The following HDAC9 variants were observed in gnomAD, a reference collection of about 807,000 sequenced individuals.
HDAC9 encodes the protein histone deacetylase 9, also known as MEF-2 interacting transcription repressor (MITR) protein.
In HDAC9, 41 loss-of-function variants were observed where a neutral mutation model predicts 139.4. The observed-to-expected ratio is 0.29, with a 90% CI of 0.23 to 0.38. The LOEUF is 0.38. Among genes scored for constraint, HDAC9 ranks in the 10% least tolerant of loss-of-function variants. The pLI is 1.00. For synonymous variants in HDAC9, 517 were observed against 476.2 expected, an observed-to-expected ratio of 1.09 and a Z score of -1.12; for missense variants, 1,147 against 1,297.0, an observed-to-expected ratio of 0.88 and a Z score of 1.78.
At chr7:18,896,540 T>A (rs1208745922) in intron 22 of HDAC9, among the ~76,000 whole-genome samples, 2 of 152,020 alleles carry the variant, frequency 1.3e-5, no homozygotes, top group Non-Finnish European at 2.9e-5. Flanking sequence ...TCCTGTTTGG[T>A]GTTGTATTTC....
chr7:18,125,473 A>G (rs1326772437), intron 1 of HDAC9, among the ~76,000 whole-genome samples: 1 of 152,010 alleles, frequency 6.6e-6, no homozygotes, highest in African/African-American at 2.4e-5. Context: ...GAGCAACAAG[A>G]TGAGGACTGG....
At chr7:18,743,238 C>G (rs1289360507) in intron 13 of HDAC9, among the ~76,000 whole-genome samples, 1 of 152,084 alleles carries the variant, frequency 6.6e-6, no homozygotes, top group African/African-American at 2.4e-5. Flanking sequence ...AATCTAATTC[C>G]TAGGCCTTAA....
chr7:18,851,461 C>G (rs551038724), intron 21 of HDAC9: 1 of 152,552 alleles, frequency 6.6e-6, no homozygotes, highest in East Asian at 1.9e-4. Flanking sequence ...TTGTAAGTTT[C>G]CTGAGGCCTC....
At chr7:18,088,787 A>T (rs1223330878) in intron 1 of HDAC9, among the ~76,000 whole-genome samples, 4 of 152,236 alleles carry the variant, frequency 2.6e-5, no homozygotes, top group Admixed American at 6.5e-5. Context: ...TTCCCCAAAC[A>T]TCAAATTACT....
At chr7:18,183,935 A>C (rs1436791167) in intron 2 of HDAC9, among the ~76,000 whole-genome samples, 1 of 152,260 alleles carries the variant, frequency 6.6e-6, no homozygotes, top group Non-Finnish European at 1.5e-5. Context: ...ATGCATAAAA[A>C]GTCACTATTA....
intron 6 of HDAC9, among the ~76,000 whole-genome samples, chr7:18,601,848 C>T (rs572712412): frequency 1.9e-4 from 29 of 152,150 alleles, no homozygotes; most frequent in Non-Finnish European, 3.5e-4. Context: ...ACTTTTTGTA[C>T]ATCATTGGAT....
At chr7:18,416,933 A>T (rs1789124314) in intron 1 of HDAC9, among the ~76,000 whole-genome samples, 1 of 151,982 alleles carries the variant, frequency 6.6e-6, no homozygotes, top group Non-Finnish European at 1.5e-5. Flanking sequence ...ATTATGGTGT[A>T]TTTTGGTCAA....
chr7:18,845,928 C>T (rs918001301), intron 21 of HDAC9, among the ~76,000 whole-genome samples: 1 of 152,032 alleles, frequency 6.6e-6, no homozygotes, highest in Non-Finnish European at 1.5e-5. Context: ...CACTGTGGTA[C>T]ACAAGGCCAT....
chr7:18,462,626 A>G (rs1386781131), intron 1 of HDAC9, among the ~76,000 whole-genome samples: 4 of 151,924 alleles, frequency 2.6e-5, no homozygotes, highest in Non-Finnish European at 5.9e-5. Context: ...AAATATCATG[A>G]TATTGTATAT....
chr7:18,777,493 A>G (rs998651154), intron 16 of HDAC9, among the ~76,000 whole-genome samples: 2 of 151,948 alleles, frequency 1.3e-5, no homozygotes, highest in Non-Finnish European at 2.9e-5. Context: ...GGTGCATAGA[A>G]TGGACCAAAT....
At chr7:18,573,915 T>A (rs547807630) in intron 2 of HDAC9, among the ~76,000 whole-genome samples, 1 of 152,260 alleles carries the variant, frequency 6.6e-6, no homozygotes. Context: ...CCCCTTCTCA[T>A]CGCCCACAAC....
At chr7:18,989,367 T>C (rs1180617024) in intron 25 of HDAC9, among the ~76,000 whole-genome samples, 1 of 152,086 alleles carries the variant, frequency 6.6e-6, no homozygotes, top group Non-Finnish European at 1.5e-5. Context: ...AAAATTCTTT[T>C]CTTTAATATT....
intron 16 of HDAC9, among the ~76,000 whole-genome samples, chr7:18,779,493 G>A (rs1791061684): frequency 6.6e-6 from 1 of 152,030 alleles, no homozygotes; most frequent in Non-Finnish European, 1.5e-5. Flanking sequence ...GGCTCTAGAA[G>A]TTTTGAAGTG....
At chr7:18,381,299 C>G (rs28641145) in intron 1 of HDAC9, among the ~76,000 whole-genome samples, 3,295 of 150,702 alleles carry the variant, frequency 0.022, 124 homozygotes, top group African/African-American at 0.076. Flanking sequence ...TATTCTGGGT[C>G]TTTGACCACA....
intron 1 of HDAC9, among the ~76,000 whole-genome samples, chr7:18,368,525 ATAT>A (rs2128698681): frequency 6.6e-6 from 1 of 151,868 alleles, no homozygotes; most frequent in East Asian, 1.9e-4. Flanking sequence ...AGAGCAAAAC[ATAT>A]TGTTTTGCTA....
intron 24 of HDAC9, among the ~76,000 whole-genome samples, chr7:18,960,784 C>G (rs1469151549): frequency 2.0e-5 from 3 of 152,110 alleles, no homozygotes; most frequent in Middle Eastern, 6.8e-3. Context: ...ATTATAATAT[C>G]CTCTACCGAC....
chr7:18,163,716 A>T (rs1787818078), intron 2 of HDAC9, among the ~76,000 whole-genome samples: 1 of 152,186 alleles, frequency 6.6e-6, no homozygotes, highest in Non-Finnish European at 1.5e-5. Context: ...GTTGGGATGA[A>T]CTTAAATTAA....
chr7:18,969,939 C>T, intron 24 of HDAC9, among the ~76,000 whole-genome samples: 1 of 152,094 alleles, frequency 6.6e-6, no homozygotes, highest in East Asian at 1.9e-4. Context: ...AAAATAGTTA[C>T]TCATTTCAGT....
chr7:18,413,244 A>T (rs1788741333), intron 1 of HDAC9, among the ~76,000 whole-genome samples: 1 of 152,188 alleles, frequency 6.6e-6, no homozygotes, highest in Non-Finnish European at 1.5e-5. Context: ...GAGCAGAAGG[A>T]AGCCCAGACG....
Sources: gnomAD v4.1 joint callset for allele counts (sites outside exome capture counted in the v4.1 genomes callset) on GRCh38, gnomAD v4.1.1 for gene constraint, MANE v1.5 for transcripts, NCBI Gene and HGNC (gene_info 2026-07-23, HGNC 2026-07-21) for gene names.